The following STOX2 variants were observed in gnomAD, a reference collection of about 807,000 sequenced individuals.
STOX2 encodes storkhead box 2, also known as storkhead-box protein 2.
In STOX2, 28 loss-of-function variants were observed where a neutral mutation model predicts 60.9. That is an observed-to-expected ratio of 0.46 (90% CI 0.34 to 0.63). The LOEUF is 0.63. STOX2 is among the 30% of genes least tolerant of loss of function. STOX2 has a pLI of 0.01. For missense variants in STOX2, 1,024 were observed against 1,187.7 expected (o/e 0.86, Z 2.03); for synonymous variants, 472 against 463.9 (o/e 1.02, Z -0.22).
At chr4:183,989,923 C>T (rs1009627682) in intron 1 of STOX2, among the ~76,000 whole-genome samples, 10 of 152,084 alleles carry the variant, frequency 6.6e-5, no homozygotes, top group African/African-American at 1.2e-4. Flanking sequence ...TGTTGAATCC[C>T]GTATGTAATA....
chr4:183,846,296 T>G (rs955672594), intron 1 of STOX2, among the ~76,000 whole-genome samples: 6 of 152,244 alleles, frequency 3.9e-5, no homozygotes, highest in African/African-American at 1.2e-4. Context: ...TTTATCATGC[T>G]TGGAGTTTGT....
At chr4:183,955,053 T>C (rs1743208876) in intron 1 of STOX2, among the ~76,000 whole-genome samples, 1 of 152,230 alleles carries the variant, frequency 6.6e-6, no homozygotes. Context: ...CAGACTCCTC[T>C]AGTTGTTTCC....
intron 1 of STOX2, among the ~76,000 whole-genome samples, chr4:183,930,931 T>C (rs1042106060): frequency 2.6e-5 from 4 of 152,218 alleles, no homozygotes; most frequent in Non-Finnish European, 5.9e-5. Context: ...CCATACTGGT[T>C]AAAATAGAAA....
chr4:183,807,097 C>T (rs923958369), intron 1 of STOX2, among the ~76,000 whole-genome samples: 3 of 152,110 alleles, frequency 2.0e-5, no homozygotes, highest in Non-Finnish European at 4.4e-5. Flanking sequence ...TTCAGCCTCC[C>T]GAGTAGCTGG....
At chr4:183,801,400 A>G (rs1738760217) in intron 1 of STOX2, among the ~76,000 whole-genome samples, 1 of 152,230 alleles carries the variant, frequency 6.6e-6, no homozygotes. Flanking sequence ...ATACATGTTT[A>G]TTGAGTGCTT....
chr4:183,842,530 T>C (rs548819662), intron 1 of STOX2, among the ~76,000 whole-genome samples: 2 of 152,300 alleles, frequency 1.3e-5, no homozygotes, highest in East Asian at 3.9e-4. Context: ...TACAGGAATG[T>C]GAATCAAATT....
chr4:183,890,499 A>G (rs7435568), intron 1 of STOX2, among the ~76,000 whole-genome samples: 100,031 of 124,744 alleles, frequency 0.8, 39,729 homozygotes, highest in Middle Eastern at 0.86. Context: ...AAAAAAAAAA[A>G]CAGCAACAGA....
At chr4:183,978,770 A>G (rs987016709) in intron 1 of STOX2, among the ~76,000 whole-genome samples, 1 of 152,190 alleles carries the variant, frequency 6.6e-6, no homozygotes, top group Non-Finnish European at 1.5e-5. Flanking sequence ...GATAAGGAAA[A>G]ATAACATACC....
chr4:183,968,081 G>A (rs1295100800), intron 1 of STOX2, among the ~76,000 whole-genome samples: 3 of 152,130 alleles, frequency 2.0e-5, no homozygotes, highest in Non-Finnish European at 4.4e-5. Context: ...CACAAAGGGA[G>A]TTGGGGAATG....
intron 3 of STOX2, chr4:184,014,851 A>G (rs1037801127): frequency 6.6e-6 from 1 of 152,158 alleles, no homozygotes; most frequent in African/African-American, 2.4e-5. Context: ...CAGATCATGT[A>G]TTGCAATATG....
intron 1 of STOX2, among the ~76,000 whole-genome samples, chr4:183,997,948 G>T (rs1052418639): frequency 6.6e-6 from 1 of 152,164 alleles, no homozygotes; most frequent in South Asian, 2.1e-4. Context: ...TGAGAATATG[G>T]CAGTGAAACC....
intron 1 of STOX2, among the ~76,000 whole-genome samples, chr4:183,956,587 C>T (rs1743258395): frequency 6.6e-6 from 1 of 152,106 alleles, no homozygotes; most frequent in African/African-American, 2.4e-5. Context: ...TTCCCAAGAG[C>T]AAGGACATTC....
intron 1 of STOX2, among the ~76,000 whole-genome samples, chr4:183,930,797 A>G (rs1742400070): frequency 6.6e-6 from 1 of 152,246 alleles, no homozygotes; most frequent in Middle Eastern, 3.2e-3. Flanking sequence ...GTATTTCTGA[A>G]TAACTTCAAT....
intron 1 of STOX2, among the ~76,000 whole-genome samples, chr4:183,849,654 T>C (rs921996074): frequency 6.6e-6 from 1 of 152,142 alleles, no homozygotes; most frequent in Non-Finnish European, 1.5e-5. Context: ...TTATATGAGA[T>C]TGGGATGTGG....
At chr4:183,901,175 G>A (rs1450179892), upstream of STOX2, among the ~76,000 whole-genome samples, 1 of 152,014 alleles carries the variant, frequency 6.6e-6, no homozygotes, top group African/African-American at 2.4e-5. Flanking sequence ...TTTTCTTTCT[G>A]TGACTGACTT....
At chr4:183,987,086 C>T (rs1356990636) in intron 1 of STOX2, among the ~76,000 whole-genome samples, 1 of 152,116 alleles carries the variant, frequency 6.6e-6, no homozygotes, top group African/African-American at 2.4e-5. Context: ...TTATCCGGAT[C>T]CTGAGCGGAG....
intron 1 of STOX2, among the ~76,000 whole-genome samples, chr4:183,920,689 T>A (rs1008402684): frequency 1.4e-4 from 22 of 152,226 alleles, no homozygotes; most frequent in African/African-American, 5.3e-4. Context: ...GGGGATTTGC[T>A]GAGTGTTTCC....
chr4:183,893,333 C>G (rs895332684), intron 1 of STOX2, among the ~76,000 whole-genome samples: 4 of 152,298 alleles, frequency 2.6e-5, no homozygotes, highest in Admixed American at 2.6e-4. Flanking sequence ...TGTTAGCCGA[C>G]CTAACAGCCT....
chr4:183,845,224 G>T, intron 1 of STOX2, among the ~76,000 whole-genome samples: 1 of 152,138 alleles, frequency 6.6e-6, no homozygotes. Context: ...TCTGGGTAGG[G>T]GATGGATAAA....
Sources: gnomAD v4.1 joint callset for allele counts (sites outside exome capture counted in the v4.1 genomes callset) on GRCh38, gnomAD v4.1.1 for gene constraint, MANE v1.5 for transcripts, NCBI Gene and HGNC (gene_info 2026-07-23, HGNC 2026-07-21) for gene names.